Variants in PRRC2B observed in about 807,000 individuals in gnomAD.
PRRC2B encodes proline rich coiled-coil 2B.
In PRRC2B, 68 loss-of-function variants were observed where a neutral mutation model predicts 242.3. That is an observed-to-expected ratio of 0.28 (90% CI 0.23 to 0.34). The LOEUF (loss-of-function observed/expected upper bound fraction) is 0.34, where lower values mean the gene tolerates loss of function less well. PRRC2B is among the 10% of genes least tolerant of loss of function. PRRC2B has a pLI of 1.00. For missense variants in PRRC2B, 2,835 were observed against 2,954.8 expected (o/e 0.96, Z 0.94); for synonymous variants, 1,228 against 1,173.6 (o/e 1.05, Z -0.95).
upstream of PRRC2B, among the ~76,000 whole-genome samples, chr9:131,389,246 TGGTGAATCAAGC>T (rs1836868405): frequency 6.8e-6 from 1 of 147,872 alleles, no homozygotes; most frequent in Non-Finnish European, 1.5e-5. Context: ...TCCGCTTCCC[TGGTGAATCAAGC>T]GATTCTCCTG....
At chr9:131,400,393 A>G (rs993949167) in intron 1 of PRRC2B, among the ~76,000 whole-genome samples, 1 of 151,004 alleles carries the variant, frequency 6.6e-6, no homozygotes. Context: ...ATCTTGGCTC[A>G]CTGCAACCTC....
Position 131,478,627 on chromosome 9 carries a change from G to A in PRRC2B, c.4758+8G>A, listed in dbSNP as rs770203401. ...AAGGAGCAGGCCGTGCAGGTGAGGG[G>A]CGGAGGGTGGGGGGGCATGGGGCTG... On this transcript the variant is annotated splice_region_variant and intron_variant, in intron 18 of 31. Transcript: ENST00000683519. 73 of 1,261,050 alleles carry A rather than the reference G, an allele frequency of 5.8e-5. No homozygotes were observed. Among genetic ancestry groups the A allele is most frequent in the Non-Finnish European group, 6.9e-5 (60 of 872,612 alleles). 78.1% of individuals were successfully genotyped at this position (1,261,050 alleles called of 1,614,324 possible).
intron 1 of PRRC2B, among the ~76,000 whole-genome samples, chr9:131,388,365 C>T (rs148979720): frequency 0.027 from 4,006 of 146,406 alleles, 234 homozygotes; most frequent in African/African-American, 0.091. Flanking sequence ...CTCAGCCTCC[C>T]GAGTAGCTGG....
intron 2 of PRRC2B, among the ~76,000 whole-genome samples, chr9:131,430,952 CT>C (rs779240208): frequency 5.2e-3 from 715 of 137,420 alleles, no homozygotes; most frequent in African/African-American, 8.0e-3. Context: ...TAGTGTTATC[CT>C]TTTTTTTTTT....
At chr9:131,471,600 G>A (rs1943548648) in intron 14 of PRRC2B, among the ~76,000 whole-genome samples, 1 of 152,128 alleles carries the variant, frequency 6.6e-6, no homozygotes, top group Admixed American at 6.5e-5. Context: ...GTCAGTTTTG[G>A]TGTTGTAGGA....
chr9:131,383,664 C>T (rs1564269724), intron 1 of PRRC2B, among the ~76,000 whole-genome samples: 1 of 149,404 alleles, frequency 6.7e-6, no homozygotes, highest in Non-Finnish European at 1.5e-5. Context: ...TGCAGTGGCC[C>T]AGGATGGAGT....
chr9:131,478,649 G>GGGGGGGGGGGGGGGGGGGCCTGGGGC, intron 18 of PRRC2B, 30 bp downstream of exon 18: 1 of 504,562 alleles, frequency 2.0e-6, no homozygotes, highest in Non-Finnish European at 4.0e-6. Context: ...GGGGCATGGG[G>GGGGGGGGGGGGGGGGGGGCCTGGGGC]CTGGAGGGCA....
At chr9:131,465,166 G>C (rs1248636949) in intron 12 of PRRC2B, 88 bp downstream of exon 12, 4 of 1,289,106 alleles carry the variant, frequency 3.1e-6, no homozygotes, top group Non-Finnish European at 4.3e-6. Context: ...TTCTTAGCTA[G>C]CAGAACGTAT....
intron 29 of PRRC2B, 25 bp downstream of exon 29, chr9:131,491,605 AC>A: frequency 6.3e-7 from 1 of 1,584,340 alleles, no homozygotes; most frequent in Non-Finnish European, 8.6e-7. Flanking sequence ...TCTGCCTCTG[AC>A]CCTAGGGAGG....
intron 1 of PRRC2B, among the ~76,000 whole-genome samples, chr9:131,381,048 C>T (rs1036971031): frequency 6.6e-6 from 1 of 152,064 alleles, no homozygotes; most frequent in African/African-American, 2.4e-5. Flanking sequence ...TCTGAGATAC[C>T]GGCCTACGCT....
chr9:131,468,931 T>C (rs1428488680), intron 13 of PRRC2B, among the ~76,000 whole-genome samples: 2 of 152,250 alleles, frequency 1.3e-5, no homozygotes, highest in South Asian at 2.1e-4. Flanking sequence ...TCTTGGGGTA[T>C]AGAATTACTG....
Position 131,474,750 on chromosome 9 carries a change from G to T in PRRC2B, c.2621G>T (p.Ser874Ile). 1.9e-6 allele frequency: 3 copies of T among 1,612,524 alleles called. No individual in the cohort carries two copies. Among genetic ancestry groups the T allele is most frequent in the Non-Finnish European group, 2.5e-6 (3 of 1,179,498 alleles). ...KKPECGSWDVSHQPETADTAH... is the reference protein window; with the variant it reads ...KKPECGSWDVIHQPETADTAH... ...CCAGAGTGTGGCAGTTGGGATGTTA[G>T]CCACCAGCCAGAGACCGCTGACACA... is the stretch of plus-strand genomic sequence containing the variant. The change falls in exon 16 of 32, where the codon AGC (serine) becomes ATC (isoleucine). Residue 874 changes from serine (S) to isoleucine (I), a missense_variant. By Grantham distance (142) the Ser-to-Ile change is moderately radical. Coordinates refer to ENST00000683519, the MANE Select transcript of PRRC2B (RefSeq NM_013318.4).
At chr9:131,395,524 A>C (rs986077471) in intron 1 of PRRC2B, among the ~76,000 whole-genome samples, 6 of 152,228 alleles carry the variant, frequency 3.9e-5, no homozygotes, top group Middle Eastern at 3.4e-3. Context: ...ATCTGCATAA[A>C]TCGGGGCGTG....
chr9:131,396,742 T>G (rs1423450423), intron 1 of PRRC2B, among the ~76,000 whole-genome samples: 2 of 152,104 alleles, frequency 1.3e-5, no homozygotes, highest in Non-Finnish European at 2.9e-5. Flanking sequence ...CCCATCTACC[T>G]GGAAGCACCA....
chr9:131,441,589 A>G (rs1838577151), intron 5 of PRRC2B, among the ~76,000 whole-genome samples: 1 of 152,148 alleles, frequency 6.6e-6, no homozygotes, highest in Non-Finnish European at 1.5e-5. Context: ...CACAGAATCG[A>G]CACACTGGGC....
chr9:131,388,537 G>T (rs1836855827), intron 1 of PRRC2B, among the ~76,000 whole-genome samples: 1 of 148,512 alleles, frequency 6.7e-6, no homozygotes. Flanking sequence ...ACCACGCCCA[G>T]CACTTTTTTT....
At chr9:131,420,453 T>TTTCTTTCTTTCTTTCTTTCCTTC (rs1564278457) in intron 1 of PRRC2B, among the ~76,000 whole-genome samples, 1 of 60,988 alleles carries the variant, frequency 1.6e-5, no homozygotes, top group African/African-American at 5.3e-5. Flanking sequence ...TTCTTTTTCT[T>TTTCTTTCTTTCTTTCTTTCCTTC]TTTCTTTCTT....
At position 131,467,678 on chromosome 9, in the gene PRRC2B, G is replaced by T; in HGVS notation, c.1836G>T (p.Gly612=). ...GTGAGGAAGAGGCCAGAGAGGCTGG[G>T]TCCCCTGCACAGGAGTTCAAGTATC... The part of the protein sequence containing the change: ...NSSEEEAREA[G]SPAQEFKYQK... Residue 612 remains glycine (G), a synonymous_variant, in exon 13 of 32, where the codon GGG becomes GGT. Coordinates refer to ENST00000683519, the MANE Select transcript of PRRC2B (RefSeq NM_013318.4). The T allele has an allele frequency of 6.2e-7, 1 of 1,613,954 alleles. No homozygotes were observed. Among genetic ancestry groups the T allele is most frequent in the East Asian group, 2.2e-5 (1 of 44,886 alleles).
intron 1 of PRRC2B, among the ~76,000 whole-genome samples, chr9:131,403,807 T>C (rs1837287654): frequency 2.6e-5 from 4 of 152,182 alleles, no homozygotes; most frequent in Admixed American, 2.6e-4. Context: ...TATGGCCTCA[T>C]GTAGGGAGGT....
Sources: gnomAD v4.1 joint callset for allele counts (sites outside exome capture counted in the v4.1 genomes callset) on GRCh38, gnomAD v4.1.1 for gene constraint, MANE v1.5 for transcripts, NCBI Gene and HGNC (gene_info 2026-07-23, HGNC 2026-07-21) for gene names.